Variants in LRRTM3 observed in about 807,000 individuals in gnomAD.
LRRTM3 encodes the protein leucine-rich repeat transmembrane neuronal protein 3.
LRRTM3 carries 24 observed loss-of-function variants against 44.7 expected under a neutral mutation model. The observed-to-expected ratio is 0.54, with a 90% confidence interval of 0.39 to 0.76. The LOEUF (loss-of-function observed/expected upper bound fraction) is 0.76, where lower values mean the gene tolerates loss of function less well. Among genes scored for constraint, LRRTM3 ranks in the 30% least tolerant of loss-of-function variants. The pLI is 0.00. For missense variants in LRRTM3, 587 were observed against 702.2 expected (o/e 0.84, Z 1.85); for synonymous variants, 277 against 278.7 (o/e 0.99, Z 0.06).
At chr10:67,037,947 C>T (rs1184374970) in intron 2 of LRRTM3, among the ~76,000 whole-genome samples, 1 of 151,914 alleles carries the variant, frequency 6.6e-6, no homozygotes, top group African/African-American at 2.4e-5. Context: ...AAACAGGAGG[C>T]AGAGAAATAA....
chr10:66,948,041 T>C (rs1335974941), intron 2 of LRRTM3, among the ~76,000 whole-genome samples: 1 of 152,220 alleles, frequency 6.6e-6, no homozygotes, highest in Non-Finnish European at 1.5e-5. Context: ...CACAATGGTA[T>C]TTGTGTAGCT....
intron 2 of LRRTM3, among the ~76,000 whole-genome samples, chr10:66,999,057 G>A (rs769131720): frequency 5.9e-5 from 9 of 151,936 alleles, no homozygotes; most frequent in East Asian, 1.9e-4. Context: ...TAAAGAAAAC[G>A]GAAGACAGGG....
chr10:66,984,681 A>G (rs888040014), intron 2 of LRRTM3, among the ~76,000 whole-genome samples: 1 of 152,122 alleles, frequency 6.6e-6, no homozygotes, highest in African/African-American at 2.4e-5. Context: ...TCATTCCTTT[A>G]TGCTTTTTTT....
rs762065554 is a variant in LRRTM3 at position 66,926,559 on chromosome 10, G to A, written c.-25G>A. On this transcript the variant is annotated 5_prime_UTR_variant, in exon 1 of 3. Transcript: ENST00000361320. ...CCCTAAGCCAAAGCAAAAGACCTAA[G>A]GACGACCTTTGAACAATACAAAGGA... is the stretch of plus-strand genomic sequence containing the variant. The A allele has an allele frequency of 8.1e-6, 13 of 1,613,668 alleles. No homozygotes were observed. In the South Asian group the frequency reaches 1.3e-4, roughly 16 times the overall value.
chr10:66,939,060 A>G (rs1476469040), intron 2 of LRRTM3, among the ~76,000 whole-genome samples: 1 of 152,054 alleles, frequency 6.6e-6, no homozygotes, highest in Non-Finnish European at 1.5e-5. Flanking sequence ...CCAAGGGAAC[A>G]CCCTACGCTA....
At chr10:67,020,019 T>C (rs1008224259) in intron 2 of LRRTM3, among the ~76,000 whole-genome samples, 1 of 151,926 alleles carries the variant, frequency 6.6e-6, no homozygotes, top group Non-Finnish European at 1.5e-5. Context: ...CAATATCAAC[T>C]GCTTTCCCTC....
At position 67,060,569 on chromosome 10, in the gene LRRTM3, A is replaced by G. The variant is rs555264588; in HGVS notation, c.1537-37018A>G. Among the ~76,000 whole-genome samples the G allele has an allele frequency of 7.2e-5, 11 of 152,310 alleles. No individual in the cohort carries two copies. The South Asian group carries it at 2.3e-3, about 32-fold the overall frequency. On this transcript the variant is annotated intron_variant, in intron 2 of 2. Coordinates refer to ENST00000361320, the MANE Select transcript of LRRTM3 (RefSeq NM_178011.5). ...AGCACCAGATAACACATTCTAGTTC[A>G]TGGGCACTAGTGGAAAGGATTTGTG...
chr10:67,045,876 C>A (rs1393460557), intron 2 of LRRTM3, among the ~76,000 whole-genome samples: 1 of 152,144 alleles, frequency 6.6e-6, no homozygotes. Flanking sequence ...TAACCTGGTC[C>A]CCCAAATAAT....
At chr10:66,968,045 G>C (rs536427940) in intron 2 of LRRTM3, among the ~76,000 whole-genome samples, 124 of 152,102 alleles carry the variant, frequency 8.2e-4, no homozygotes, top group Non-Finnish European at 1.5e-3. Context: ...TTTATACTCT[G>C]AGCATGAAGT....
At chr10:66,964,633 C>T (rs371103600) in intron 2 of LRRTM3, among the ~76,000 whole-genome samples, 1 of 152,088 alleles carries the variant, frequency 6.6e-6, no homozygotes, top group South Asian at 2.1e-4. Flanking sequence ...GGATTCACTT[C>T]GGAGGAACTG....
At chr10:66,956,649 C>T (rs1270257307) in intron 2 of LRRTM3, among the ~76,000 whole-genome samples, 1 of 152,170 alleles carries the variant, frequency 6.6e-6, no homozygotes, top group Non-Finnish European at 1.5e-5. Flanking sequence ...ATTAATTCCT[C>T]TTATTATTTT....
intron 2 of LRRTM3, among the ~76,000 whole-genome samples, chr10:66,939,399 T>A (rs547655789): frequency 6.6e-6 from 1 of 152,292 alleles, no homozygotes; most frequent in East Asian, 1.9e-4. Flanking sequence ...GCCTTCAAAC[T>A]GAGTTAAAAG....
intron 2 of LRRTM3, among the ~76,000 whole-genome samples, chr10:67,045,740 C>T (rs80220789): frequency 0.027 from 4,154 of 152,178 alleles, 184 homozygotes; most frequent in African/African-American, 0.088. Flanking sequence ...CAAGGCCCCC[C>T]TCTGTTTTTT....
intron 2 of LRRTM3, among the ~76,000 whole-genome samples, chr10:66,937,166 C>T (rs1481232158): frequency 1.3e-5 from 2 of 151,872 alleles, no homozygotes; most frequent in African/African-American, 4.8e-5. Context: ...CTTTGTATAC[C>T]AGAAAGAACT....
intron 2 of LRRTM3, among the ~76,000 whole-genome samples, chr10:67,067,257 G>A (rs575118852): frequency 6.6e-5 from 10 of 151,942 alleles, no homozygotes; most frequent in East Asian, 5.8e-4. Context: ...TTGTCTGTTC[G>A]TATTAGAATC....
intron 2 of LRRTM3, among the ~76,000 whole-genome samples, chr10:67,015,025 T>C (rs1254318441): frequency 6.6e-6 from 1 of 152,114 alleles, no homozygotes; most frequent in Non-Finnish European, 1.5e-5. Flanking sequence ...TGTTTTCTTT[T>C]CTACAAGGGC....
chr10:66,969,616 C>T (rs1469161483), intron 2 of LRRTM3, among the ~76,000 whole-genome samples: 1 of 151,982 alleles, frequency 6.6e-6, no homozygotes, highest in Non-Finnish European at 1.5e-5. Context: ...TATAACTGCT[C>T]CCAGTAGTTA....
At chr10:67,072,887 T>TGCCTTTTAGAAGCTTTTAGCCTA (rs6143966) in intron 2 of LRRTM3, among the ~76,000 whole-genome samples, 95,633 of 151,900 alleles carry the variant, frequency 0.63, 31,294 homozygotes, top group African/African-American at 0.82. Flanking sequence ...TTGGAAGCTC[T>TGCCTTTTAGAAGCTTTTAGCCTA]GCCTTTGGCT....
intron 2 of LRRTM3, among the ~76,000 whole-genome samples, chr10:67,046,895 C>T (rs1204731396): frequency 6.6e-6 from 1 of 152,060 alleles, no homozygotes; most frequent in African/African-American, 2.4e-5. Flanking sequence ...CACTGCCTTC[C>T]TTTTACATTG....
Sources: gnomAD v4.1 joint callset for allele counts (sites outside exome capture counted in the v4.1 genomes callset) on GRCh38, gnomAD v4.1.1 for gene constraint, MANE v1.5 for transcripts, NCBI Gene and HGNC (gene_info 2026-07-23, HGNC 2026-07-21) for gene names.